The following C4orf17 variants were observed in gnomAD, a reference collection of about 807,000 sequenced individuals.
The protein encoded by C4orf17 is uncharacterized protein C4orf17.
A neutral mutation model predicts 32.0 loss-of-function variants in C4orf17; 25 were observed. The ratio of observed to expected loss-of-function variants is 0.78; its 90% CI spans 0.57 to 1.09. The LOEUF (loss-of-function observed/expected upper bound fraction) is 1.09, where lower values mean the gene tolerates loss of function less well. C4orf17 is among the 50% of genes least tolerant of loss of function. The pLI is 0.00. For synonymous variants in C4orf17, 149 were observed against 145.8 expected, an observed-to-expected ratio of 1.02 and a Z score of -0.16; for missense variants, 420 against 420.0, an observed-to-expected ratio of 1.00 and a Z score of 0.00.
At chr4:99,517,659 T>C (rs1189162996) in intron 2 of C4orf17, among the ~76,000 whole-genome samples, 2 of 152,248 alleles carry the variant, frequency 1.3e-5, no homozygotes, top group African/African-American at 4.8e-5. Context: ...AGCTTAATTT[T>C]TGTTCTTCAG....
At position 99,541,801 on chromosome 4, in the gene C4orf17, T is replaced by G. The variant is rs952297740; in HGVS notation, c.881-109T>G. On this transcript the variant is annotated intron_variant, in intron 8 of 8. Coordinates refer to ENST00000326581, the MANE Select transcript of C4orf17 (RefSeq NM_032149.3). ...TTTGTGAATTTTGGGTGTATCTGATTCACCTAAACTTCATATAGTTTTTTA... is the reference window on the plus strand; with the variant it reads ...TTTGTGAATTTTGGGTGTATCTGATGCACCTAAACTTCATATAGTTTTTTA... 4 of 777,084 alleles carry G rather than the reference T, an allele frequency of 5.1e-6. No homozygotes were observed. In the African/African-American group the frequency reaches 7.2e-5, roughly 14 times the overall value. 48.1% of individuals were successfully genotyped at this position (777,084 alleles called of 1,614,324 possible). A position where few individuals can be genotyped will look rare whatever the true frequency, so the allele number is the denominator to read the frequency against.
At chr4:99,535,801 G>A (rs1017416816) in intron 5 of C4orf17, among the ~76,000 whole-genome samples, 4 of 152,176 alleles carry the variant, frequency 2.6e-5, no homozygotes, top group Non-Finnish European at 5.9e-5. Context: ...GTCATTTATA[G>A]GAGAAGCAGC....
intron 1 of C4orf17, among the ~76,000 whole-genome samples, chr4:99,512,231 C>A (rs906696066): frequency 4.5e-4 from 69 of 152,240 alleles, no homozygotes; most frequent in African/African-American, 1.7e-3. Context: ...AGAAAAAATA[C>A]AACAAGCACC....
intron 5 of C4orf17, among the ~76,000 whole-genome samples, chr4:99,532,408 G>T (rs1166648920): frequency 6.6e-6 from 1 of 152,134 alleles, no homozygotes; most frequent in Non-Finnish European, 1.5e-5. Flanking sequence ...CAACATGGAT[G>T]CAGCTAGAGG....
chr4:99,529,620 A>G (rs912866178), intron 4 of C4orf17, among the ~76,000 whole-genome samples, 195 bp from the exon 5 acceptor site: 5 of 152,218 alleles, frequency 3.3e-5, no homozygotes, highest in African/African-American at 9.6e-5. Flanking sequence ...GATTTCATCA[A>G]AAGTTAATAA....
intron 2 of C4orf17, among the ~76,000 whole-genome samples, chr4:99,516,928 T>C (rs759489858): frequency 6.6e-6 from 1 of 152,198 alleles, no homozygotes; most frequent in Non-Finnish European, 1.5e-5. Flanking sequence ...AGGTTGCCAC[T>C]ATCCTTCAGT....
chr4:99,529,682 A>G (rs2110171053), intron 4 of C4orf17, 133 bp from the exon 5 acceptor site: 1 of 627,848 alleles, frequency 1.6e-6, no homozygotes, highest in African/African-American at 1.9e-5. Flanking sequence ...AGCTTAAGAT[A>G]AAACTAACCT....
At chr4:99,531,059 A>G (rs1016119561) in intron 5 of C4orf17, among the ~76,000 whole-genome samples, 6 of 151,930 alleles carry the variant, frequency 3.9e-5, no homozygotes, top group African/African-American at 1.4e-4. Context: ...TTACTCAGAG[A>G]TACTTTCTCT....
In C4orf17 at chr4:99,537,728, G is replaced by A; in HGVS notation, c.606G>A (p.Trp202Ter). 1 of 1,612,198 alleles carries A rather than the reference G, an allele frequency of 6.2e-7. No homozygotes were observed. Among genetic ancestry groups the A allele is most frequent in the Non-Finnish European group, 8.5e-7 (1 of 1,179,516 alleles). ...ATTCTCTGGCAGAAGTTTTACAGTG[G>A]CTGCTTCATGCAACTTCAAAAGGTG... ...HTDSLAEVLQ[W>*]LLHATSKEKE... Residue 202 changes from tryptophan (W) to a stop codon, truncating the protein, a stop_gained, in exon 6 of 9, where the codon TGG becomes TGA. Transcript: ENST00000326581. LOFTEE classifies it high-confidence loss of function.
At chr4:99,520,180 C>T (rs1385824682) in intron 2 of C4orf17, among the ~76,000 whole-genome samples, 1 of 151,152 alleles carries the variant, frequency 6.6e-6, no homozygotes, top group Non-Finnish European at 1.5e-5. Flanking sequence ...AGCTCCGCCT[C>T]GCGGGTTCAT....
chr4:99,517,141 T>C (rs1453862751), intron 2 of C4orf17, among the ~76,000 whole-genome samples: 1 of 152,220 alleles, frequency 6.6e-6, no homozygotes, highest in Non-Finnish European at 1.5e-5. Flanking sequence ...CAGTTCTTAG[T>C]TTCACATCTG....
chr4:99,541,015 C>G (rs1679401278), intron 8 of C4orf17: 1 of 152,338 alleles, frequency 6.6e-6, no homozygotes, highest in African/African-American at 2.4e-5. Flanking sequence ...CCCAAAGTAT[C>G]CTTATAGGTT....
At chr4:99,521,331 C>A (rs1228551818) in intron 2 of C4orf17, among the ~76,000 whole-genome samples, 1 of 151,460 alleles carries the variant, frequency 6.6e-6, no homozygotes, top group South Asian at 2.1e-4. Flanking sequence ...GCAGAGATTG[C>A]ACCATTGCAC....
chr4:99,536,480 C>T (rs1317285235), intron 5 of C4orf17, among the ~76,000 whole-genome samples: 1 of 152,206 alleles, frequency 6.6e-6, no homozygotes, highest in Non-Finnish European at 1.5e-5. Flanking sequence ...CAGGATCCCA[C>T]TTAAAGAAGC....
At chr4:99,533,531 C>G (rs894683781) in intron 5 of C4orf17, among the ~76,000 whole-genome samples, 2 of 152,104 alleles carry the variant, frequency 1.3e-5, no homozygotes, top group African/African-American at 4.8e-5. Context: ...GAACAGAGAG[C>G]AGCAGCTTCA....
intron 5 of C4orf17, among the ~76,000 whole-genome samples, chr4:99,531,124 T>G (rs989499149): frequency 1.5e-5 from 1 of 65,234 alleles, no homozygotes; most frequent in Non-Finnish European, 3.2e-5. Context: ...TACCCTTTGT[T>G]TTTTTTTGCA....
Position 99,513,183 on chromosome 4 carries a change from T to G in C4orf17, c.102T>G (p.His34Gln), listed in dbSNP as rs1192886335. The G allele has an allele frequency of 3.0e-5, 49 of 1,613,772 alleles. No individual in the cohort carries two copies. Among genetic ancestry groups the G allele is most frequent in the Non-Finnish European group, 4.1e-5 (48 of 1,179,834 alleles). Residue 34 changes from histidine (H) to glutamine (Q), a missense_variant, in exon 2 of 9, where the codon CAT becomes CAG. His to Gln is a conservative substitution (Grantham distance 24). Transcript: ENST00000326581. ...VSCFLVRHTP[H>Q]PRRVCHIKGL... ...GCTTTCTAGTCAGGCACACCCCTCA[T>G]CCCAGAAGAGTCTGCCACATCAAAG...
chr4:99,525,047 A>G lies in C4orf17; in HGVS notation c.402+462A>G, dbSNP rs185957322. Among the ~76,000 whole-genome samples, 6 of 152,296 alleles carry G rather than the reference A, an allele frequency of 3.9e-5. No individual in the cohort carries two copies. In the East Asian group the frequency reaches 1.2e-3, roughly 29 times the overall value. ...CCTTTTTATTGCTGAGTAGTATTCA[A>G]TTGTATGGTTATCCTACAATGTGTT... On this transcript the variant is annotated intron_variant, in intron 4 of 8. Transcript: ENST00000326581.
At chr4:99,539,027 T>G in intron 6 of C4orf17, 136 bp from the exon 7 acceptor site, 1 of 803,884 alleles carries the variant, frequency 1.2e-6, no homozygotes, top group African/African-American at 1.7e-5. Context: ...GCAGAAGTCC[T>G]TACTCCCACA....
Sources: gnomAD v4.1 joint callset for allele counts (sites outside exome capture counted in the v4.1 genomes callset) on GRCh38, gnomAD v4.1.1 for gene constraint, MANE v1.5 for transcripts, NCBI Gene and HGNC (gene_info 2026-07-23, HGNC 2026-07-21) for gene names.